Variants in LHFPL3 observed in about 807,000 individuals in gnomAD.
LHFPL3 encodes LHFPL tetraspan subfamily member 3 protein.
Under a neutral mutation model 19.3 loss-of-function variants are expected in LHFPL3, and 5 were observed. The ratio of observed to expected loss-of-function variants is 0.26; its 90% CI spans 0.14 to 0.54. The LOEUF is 0.54. Ranked by LOEUF, LHFPL3 falls within the 20% of genes least tolerant of loss-of-function variation. LHFPL3 has a pLI of 0.94. For synonymous variants in LHFPL3, 133 were observed against 126.2 expected (o/e 1.05, Z -0.36); for missense variants, 249 against 307.4 (o/e 0.81, Z 1.42).
intron 1 of LHFPL3, among the ~76,000 whole-genome samples, chr7:104,503,349 A>G (rs1194891753): frequency 6.6e-6 from 1 of 152,112 alleles, no homozygotes; most frequent in African/African-American, 2.4e-5. Flanking sequence ...GACAGGAAAA[A>G]ATTAGCTGTC....
chr7:104,398,054 A>G lies in LHFPL3; in HGVS notation c.445+68830A>G, dbSNP rs1289606941. On this transcript the variant is annotated intron_variant, in intron 1 of 2. Coordinates refer to ENST00000424859, the MANE Select transcript of LHFPL3 (RefSeq NM_199000.3). ...TTGACATGGGTATTATCTTCTATGCATTTAACTTTTTTTTTTTTTTTGTAA... is the reference window on the plus strand; with the variant it reads ...TTGACATGGGTATTATCTTCTATGCGTTTAACTTTTTTTTTTTTTTTGTAA... 2.3e-5 allele frequency among the ~76,000 whole-genome samples: 3 copies of G among 131,328 alleles called. No homozygotes were observed. In the South Asian group the frequency reaches 7.0e-4, roughly 31 times the overall value. 86.2% of individuals were successfully genotyped at this position (131,328 alleles called of 152,430 possible).
intron 2 of LHFPL3, among the ~76,000 whole-genome samples, chr7:104,828,002 C>T (rs145564004): frequency 6.6e-6 from 1 of 152,074 alleles, no homozygotes; most frequent in Non-Finnish European, 1.5e-5. Flanking sequence ...AGTATTGTCA[C>T]AAGTCCTGAA....
chr7:104,392,402 T>C (rs1791092264), intron 1 of LHFPL3, among the ~76,000 whole-genome samples: 1 of 152,106 alleles, frequency 6.6e-6, no homozygotes, highest in Non-Finnish European at 1.5e-5. Context: ...TGAAGGGCTG[T>C]TGAATTTTGT....
At chr7:104,673,746 C>T (rs908582995) in intron 1 of LHFPL3, among the ~76,000 whole-genome samples, 1 of 152,188 alleles carries the variant, frequency 6.6e-6, no homozygotes, top group Admixed American at 6.5e-5. Flanking sequence ...GGGTTGAAGT[C>T]AGAGCATCCT....
At chr7:104,514,633 C>G (rs1050601219) in intron 1 of LHFPL3, among the ~76,000 whole-genome samples, 2 of 152,150 alleles carry the variant, frequency 1.3e-5, no homozygotes, top group African/African-American at 4.8e-5. Context: ...TGGCAGGTCA[C>G]AAGTCTCAGG....
intron 2 of LHFPL3, among the ~76,000 whole-genome samples, chr7:104,825,812 A>G (rs1790806506): frequency 6.6e-6 from 1 of 151,938 alleles, no homozygotes; most frequent in Non-Finnish European, 1.5e-5. Context: ...AAAAGAAGGA[A>G]GAAGAGGGAA....
At chr7:104,411,447 A>G (rs143837205) in intron 1 of LHFPL3, among the ~76,000 whole-genome samples, 11 of 152,314 alleles carry the variant, frequency 7.2e-5, no homozygotes, top group African/African-American at 2.6e-4. Context: ...GATCATTTAT[A>G]TGTTTTATTG....
intron 1 of LHFPL3, among the ~76,000 whole-genome samples, chr7:104,340,028 G>C (rs1789915024): frequency 6.6e-6 from 1 of 152,202 alleles, no homozygotes; most frequent in African/African-American, 2.4e-5. Flanking sequence ...GACTTGAGCA[G>C]TTTCTGGGGG....
chr7:104,819,963 T>A (rs561114484), intron 2 of LHFPL3, among the ~76,000 whole-genome samples: 1 of 152,162 alleles, frequency 6.6e-6, no homozygotes, highest in Non-Finnish European at 1.5e-5. Flanking sequence ...AACGAGCCGA[T>A]TGTGATCTCT....
chr7:104,544,574 T>C (rs1342222144), intron 1 of LHFPL3, among the ~76,000 whole-genome samples: 1 of 152,184 alleles, frequency 6.6e-6, no homozygotes, highest in Admixed American at 6.6e-5. Flanking sequence ...AACCAGGACT[T>C]TTCATTGAGC....
rs990737380 is a variant in LHFPL3, at chr7:104,541,722, G to A, written c.446-194953G>A. 4.5e-4 allele frequency among the ~76,000 whole-genome samples: 69 copies of A among 152,148 alleles called. 1 individual carries two copies. The highest frequency in any genetic ancestry group is 3.3e-4 in the Admixed American group (5 of 15,262). ...TAATATAGTAACATGCTTCTGTACT[G>A]CAAATTCTCAGTAAATGTTGAATGA... On this transcript the variant is annotated intron_variant, in intron 1 of 2. Coordinates refer to ENST00000424859, the MANE Select transcript of LHFPL3 (RefSeq NM_199000.3).
chr7:104,431,600 A>G (rs1792004493), intron 1 of LHFPL3, among the ~76,000 whole-genome samples: 1 of 152,170 alleles, frequency 6.6e-6, no homozygotes, highest in Non-Finnish European at 1.5e-5. Flanking sequence ...AATGCTTCCA[A>G]AGTGGGCTCT....
intron 1 of LHFPL3, among the ~76,000 whole-genome samples, chr7:104,511,944 CTTTTTTTTT>C (rs58712044): frequency 1.8e-5 from 2 of 111,976 alleles, no homozygotes; most frequent in South Asian, 5.7e-4. Flanking sequence ...CTTTCCTTTT[CTTTTTTTTT>C]TTTTTTTTTT....
chr7:104,850,298 G>A (rs567286230), intron 2 of LHFPL3, among the ~76,000 whole-genome samples: 42 of 152,256 alleles, frequency 2.8e-4, no homozygotes, highest in South Asian at 1.2e-3. Context: ...GTGAAACTCC[G>A]TCACAAAAAA....
At chr7:104,675,903 TTTAGA>T (rs1408091113) in intron 1 of LHFPL3, among the ~76,000 whole-genome samples, 3 of 152,160 alleles carry the variant, frequency 2.0e-5, no homozygotes, top group African/African-American at 7.2e-5. Flanking sequence ...GATGCAAGCA[TTTAGA>T]GATGAGGGCA....
chr7:104,866,891 G>T (rs1791733514), intron 2 of LHFPL3, among the ~76,000 whole-genome samples: 1 of 152,176 alleles, frequency 6.6e-6, no homozygotes, highest in Non-Finnish European at 1.5e-5. Context: ...AGACCACAGT[G>T]CAATGAAACT....
At chr7:104,423,540 A>AT (rs1791775884) in intron 1 of LHFPL3, among the ~76,000 whole-genome samples, 1 of 152,106 alleles carries the variant, frequency 6.6e-6, no homozygotes, top group African/African-American at 2.4e-5. Flanking sequence ...TGCCTGACTA[A>AT]TTTTTTATCA....
At chr7:104,852,690 G>T (rs1242151616) in intron 2 of LHFPL3, among the ~76,000 whole-genome samples, 3 of 152,238 alleles carry the variant, frequency 2.0e-5, no homozygotes, top group African/African-American at 4.8e-5. Context: ...CATGCTTTTG[G>T]TTTAAAGCTC....
At chr7:104,427,834 G>A (rs968394617) in intron 1 of LHFPL3, among the ~76,000 whole-genome samples, 2 of 152,296 alleles carry the variant, frequency 1.3e-5, no homozygotes, top group East Asian at 1.9e-4. Context: ...TAGCTTAAAT[G>A]TTTCAATTCA....
Sources: allele counts gnomAD v4.1 joint callset (sites outside exome capture counted in the v4.1 genomes callset), GRCh38; gene constraint gnomAD v4.1.1; transcripts MANE v1.5; gene names NCBI Gene and HGNC (gene_info 2026-07-23, HGNC 2026-07-21).